ZNF423: variants seen among roughly 807,000 people sequenced by gnomAD.
ZNF423 encodes zinc finger protein 423.
ZNF423 carries 12 observed loss-of-function variants against 95.8 expected under a neutral mutation model. The ratio of observed to expected loss-of-function variants is 0.13; its 90% CI spans 0.08 to 0.20. The LOEUF (loss-of-function observed/expected upper bound fraction) is 0.20, where lower values mean the gene tolerates loss of function less well. Among genes scored for constraint, ZNF423 ranks in the 10% least tolerant of loss-of-function variants. The pLI is 1.00. For synonymous variants in ZNF423, 749 were observed against 711.9 expected, an observed-to-expected ratio of 1.05 and a Z score of -0.83; for missense variants, 1,316 against 1,737.1, an observed-to-expected ratio of 0.76 and a Z score of 4.31.
intron 5 of ZNF423, among the ~76,000 whole-genome samples, chr16:49,541,747 A>G (rs1263582244): frequency 6.6e-6 from 1 of 152,152 alleles, no homozygotes; most frequent in Non-Finnish European, 1.5e-5. Context: ...TTCTCATGAC[A>G]GTGATTTCTC....
At chr16:49,793,587 G>A (rs1283759018) in intron 1 of ZNF423, among the ~76,000 whole-genome samples, 2 of 152,228 alleles carry the variant, frequency 1.3e-5, no homozygotes, top group East Asian at 1.9e-4. Flanking sequence ...TACTCCTGTG[G>A]ATGATGGGCA....
At chr16:49,494,793 T>C (rs190817715) in intron 7 of ZNF423, among the ~76,000 whole-genome samples, 11 of 152,260 alleles carry the variant, frequency 7.2e-5, no homozygotes, top group African/African-American at 2.4e-4. Flanking sequence ...TCAGCACAGT[T>C]CAATAACCGT....
intron 5 of ZNF423, among the ~76,000 whole-genome samples, chr16:49,590,051 T>TATATATATATATATATATATATATA (rs879296139): frequency 2.7e-4 from 36 of 134,054 alleles, no homozygotes; most frequent in African/African-American, 4.2e-4. Context: ...TATATATATA[T>TATATATATATATATATATATATATA]TTGGTCCATA....
At chr16:49,519,777 T>A (rs1355146723) in intron 7 of ZNF423, among the ~76,000 whole-genome samples, 1 of 152,226 alleles carries the variant, frequency 6.6e-6, no homozygotes, top group Non-Finnish European at 1.5e-5. Context: ...TTTCCCATCA[T>A]GATGGAGATA....
rs142647395 is a variant in ZNF423, at chr16:49,804,186, C to T, written c.41-14640G>A. On this transcript the variant is annotated intron_variant, in intron 1 of 7. Coordinates refer to ENST00000563137, the MANE Select transcript of ZNF423 (RefSeq NM_001379286.1). ...CTGACCTCAGGTGATCTGCCCATCTCGGCCTCCCAAAGTGCTGGGATTACA... is the reference window on the plus strand; with the variant it reads ...CTGACCTCAGGTGATCTGCCCATCTTGGCCTCCCAAAGTGCTGGGATTACA... Among the ~76,000 whole-genome samples the T allele has an allele frequency of 3.6e-3, 549 of 152,124 alleles. 4 individuals carry two copies. Among genetic ancestry groups the T allele is most frequent in the African/African-American group, 0.012 (497 of 41,496 alleles).
intron 5 of ZNF423, among the ~76,000 whole-genome samples, chr16:49,606,963 G>T (rs1231812781): frequency 6.6e-6 from 1 of 152,070 alleles, no homozygotes; most frequent in East Asian, 1.9e-4. Flanking sequence ...GAAATGAGCT[G>T]CCCCAGGAGC....
At chr16:49,652,448 G>A (rs1375888404) in intron 3 of ZNF423, among the ~76,000 whole-genome samples, 4 of 152,038 alleles carry the variant, frequency 2.6e-5, no homozygotes, top group South Asian at 2.1e-4. Flanking sequence ...TGCCAGCAAG[G>A]AAGAGCCCCC....
intron 3 of ZNF423, among the ~76,000 whole-genome samples, chr16:49,704,192 G>A (rs1248459195): frequency 6.6e-6 from 1 of 152,108 alleles, no homozygotes; most frequent in East Asian, 1.9e-4. Flanking sequence ...GAACACAGGA[G>A]CAGGGGCATA....
chr16:49,659,005 C>T (rs550989051), intron 3 of ZNF423, among the ~76,000 whole-genome samples: 9 of 152,384 alleles, frequency 5.9e-5, no homozygotes, highest in Admixed American at 2.0e-4. Flanking sequence ...ACACTTCCTA[C>T]GTGCCGGGCT....
At chr16:49,817,610 G>A (rs553047804) in intron 1 of ZNF423, among the ~76,000 whole-genome samples, 1 of 152,286 alleles carries the variant, frequency 6.6e-6, no homozygotes, top group East Asian at 1.9e-4. Context: ...AGGACAGCTG[G>A]GGAGAGTGGT....
At chr16:49,570,315 A>G (rs1567474714) in intron 5 of ZNF423, among the ~76,000 whole-genome samples, 1 of 152,158 alleles carries the variant, frequency 6.6e-6, no homozygotes, top group Non-Finnish European at 1.5e-5. Flanking sequence ...CATGGCAACC[A>G]TGTGAGATGG....
rs147581072 is a variant in ZNF423 at position 49,717,735 on chromosome 16, C to A, written c.301+13036G>T. ...GTCTGACACTGGTCGGCAGGGAATCCCAACCTTCCAACTTGCAAGCATGAC... is the reference window on the plus strand; with the variant it reads ...GTCTGACACTGGTCGGCAGGGAATCACAACCTTCCAACTTGCAAGCATGAC... On this transcript the variant is annotated intron_variant, in intron 3 of 7. Coordinates refer to ENST00000563137, the MANE Select transcript of ZNF423 (RefSeq NM_001379286.1). 8.3e-4 allele frequency among the ~76,000 whole-genome samples: 126 copies of A among 152,306 alleles called. 2 individuals are homozygous for A. Among genetic ancestry groups the A allele is most frequent in the African/African-American group, 2.9e-3 (119 of 41,558 alleles).
chr16:49,500,539 G>A (rs1340285074), intron 7 of ZNF423, among the ~76,000 whole-genome samples: 1 of 152,168 alleles, frequency 6.6e-6, no homozygotes, highest in Non-Finnish European at 1.5e-5. Context: ...CCAATCTGAT[G>A]CTGCTGGGCC....
At chr16:49,506,849 A>C (rs1967667042) in intron 7 of ZNF423, among the ~76,000 whole-genome samples, 1 of 151,672 alleles carries the variant, frequency 6.6e-6, no homozygotes, top group Admixed American at 6.6e-5. Flanking sequence ...GGATGGATGG[A>C]TGGGTGGATG....
chr16:49,601,660 A>C (rs1399616827), intron 5 of ZNF423, among the ~76,000 whole-genome samples: 1 of 152,196 alleles, frequency 6.6e-6, no homozygotes, highest in Non-Finnish European at 1.5e-5. Flanking sequence ...ATGCAACGTC[A>C]ATGACACAGG....
intron 2 of ZNF423, among the ~76,000 whole-genome samples, chr16:49,737,948 G>T (rs1043503223): frequency 6.6e-6 from 1 of 152,216 alleles, no homozygotes; most frequent in African/African-American, 2.4e-5. Flanking sequence ...GCCACCATCA[G>T]AGGTCCCACC....
intron 5 of ZNF423, among the ~76,000 whole-genome samples, chr16:49,525,727 G>A (rs1448789929): frequency 6.6e-6 from 1 of 152,158 alleles, no homozygotes; most frequent in Non-Finnish European, 1.5e-5. Context: ...GGTGCCATTT[G>A]CTGTGATTTC....
At chr16:49,813,155 G>GT (rs759061378) in intron 1 of ZNF423, among the ~76,000 whole-genome samples, 2 of 152,054 alleles carry the variant, frequency 1.3e-5, no homozygotes, top group Non-Finnish European at 1.5e-5. Context: ...TTCCCTGTGC[G>GT]TATGAATGAC....
intron 2 of ZNF423, among the ~76,000 whole-genome samples, chr16:49,763,253 TG>T (rs1333870814): frequency 6.6e-6 from 1 of 152,102 alleles, no homozygotes; most frequent in Non-Finnish European, 1.5e-5. Context: ...CTTTGTACTC[TG>T]GGTTTTTTGG....
Sources: allele counts gnomAD v4.1 joint callset (sites outside exome capture counted in the v4.1 genomes callset), GRCh38; gene constraint gnomAD v4.1.1; transcripts MANE v1.5; gene names NCBI Gene and HGNC (gene_info 2026-07-23, HGNC 2026-07-21).